Variants in RNF10 observed in about 807,000 individuals in gnomAD.
RNF10 encodes E3 ubiquitin-protein ligase RNF10.
RNF10 carries 38 observed loss-of-function variants against 91.4 expected under a neutral mutation model. The ratio of observed to expected loss-of-function variants is 0.42; its 90% CI spans 0.32 to 0.54. The LOEUF (loss-of-function observed/expected upper bound fraction) is 0.54, where lower values mean the gene tolerates loss of function less well. Ranked by LOEUF, RNF10 falls within the 20% of genes least tolerant of loss-of-function variation. RNF10 has a pLI of 0.16. For missense variants in RNF10, 945 were observed against 1,012.0 expected (o/e 0.93, Z 0.90); for synonymous variants, 364 against 366.3 (o/e 0.99, Z 0.07).
rs1423215399 is a variant in RNF10 at position 120,576,975 on chromosome 12, T to C, written c.*309T>C. On this transcript the variant is annotated 3_prime_UTR_variant, in exon 17 of 17. Transcript: ENST00000325954. ...AATTTTTCTCAACCCAAAGTAAGAT[T>C]GAGTCCCCTTTGAGATGCATTAGAG... 6 of 364,646 alleles carry C rather than the reference T, an allele frequency of 1.6e-5. No individual in the cohort carries two copies. Among genetic ancestry groups the C allele is most frequent in the Non-Finnish European group, 2.6e-5 (5 of 192,534 alleles). 22.6% of individuals were successfully genotyped at this position (364,646 alleles called of 1,614,324 possible). A position where few individuals can be genotyped will look rare whatever the true frequency, so the allele number is the denominator to read the frequency against.
chr12:120,538,568 T>C (rs4102203), intron 1 of RNF10, among the ~76,000 whole-genome samples: 12,473 of 152,226 alleles, frequency 0.082, 658 homozygotes, highest in Non-Finnish European at 0.11. Context: ...TCTGAGAACA[T>C]GCAGCAGTAA....
chr12:120,571,359 A>G, intron 14 of RNF10, 68 bp downstream of exon 14: 5 of 1,125,454 alleles, frequency 4.4e-6, no homozygotes, highest in Non-Finnish European at 6.8e-6. Flanking sequence ...TTATTATGGG[A>G]ACCTCCTCCA....
In RNF10 at chr12:120,553,092, T is replaced by G. The variant is rs1201886086; in HGVS notation, c.554+394T>G. ...TTTTTTTTTTTTTTTTTTTTTTTTTTTTTTTTTTTGAGATGTAGTCTCGCT... is the reference window on the plus strand; with the variant it reads ...TTTTTTTTTTTTTTTTTTTTTTTTTGTTTTTTTTTGAGATGTAGTCTCGCT... On this transcript the variant is annotated intron_variant, in intron 3 of 16. Transcript: ENST00000325954. Among the ~76,000 whole-genome samples, 73 of 37,750 alleles carry G rather than the reference T, an allele frequency of 1.9e-3. 9 individuals carry two copies. Among genetic ancestry groups the G allele is most frequent in the Non-Finnish European group, 2.9e-3 (62 of 21,248 alleles). The allele number at this position is 37,750 out of a possible 152,430, so 24.8% of individuals were successfully genotyped here.
At chr12:120,538,889 TC>T (rs1871192147) in intron 1 of RNF10, among the ~76,000 whole-genome samples, 2 of 152,192 alleles carry the variant, frequency 1.3e-5, no homozygotes, top group Admixed American at 1.3e-4. Context: ...GAAGAATGCC[TC>T]TGAGCTGTAA....
intron 11 of RNF10, 48 bp from the exon 12 acceptor site, chr12:120,565,380 G>T: frequency 1.3e-6 from 2 of 1,550,086 alleles, no homozygotes; most frequent in South Asian, 2.2e-5. Flanking sequence ...AGGAGGTAAT[G>T]ACCATGTTGT....
chr12:120,545,936 A>T (rs572041894), intron 1 of RNF10, among the ~76,000 whole-genome samples: 1 of 152,360 alleles, frequency 6.6e-6, no homozygotes, highest in South Asian at 2.1e-4. Context: ...TTTGCTGTTA[A>T]TGCCTTTTGA....
intron 7 of RNF10, 36 bp downstream of exon 7, chr12:120,560,922 CT>C: frequency 6.3e-7 from 1 of 1,597,642 alleles, no homozygotes; most frequent in East Asian, 2.2e-5. Context: ...AACCTTTTCA[CT>C]TTCTCGGCGT....
intron 16 of RNF10, among the ~76,000 whole-genome samples, chr12:120,576,359 T>G (rs1276528038): frequency 6.6e-6 from 1 of 152,210 alleles, no homozygotes. Flanking sequence ...ACAACCACGT[T>G]AAATGGGTGT....
At position 120,566,922 on chromosome 12, in the gene RNF10, C is replaced by G; in HGVS notation, c.1983C>G (p.Thr661=). 6.2e-7 allele frequency: 1 copy of G among 1,613,754 alleles called. No individual in the cohort carries two copies. Among genetic ancestry groups the G allele is most frequent in the Non-Finnish European group, 8.5e-7 (1 of 1,179,866 alleles). The change falls in exon 13 of 17, where the codon ACC becomes ACG. Residue 661 remains threonine, a synonymous_variant. Transcript: ENST00000325954. ...SSDSALGPTS[T]EGHGALSISP... is the part of the protein sequence containing the mutation. ...ATTCTGCTTTGGGTCCCACCAGCAC[C>G]GAGGGCCATGGGGCCCTCTCCATTT...
rs749480552 is a variant in RNF10, at chr12:120,563,548, T to A, written c.1456T>A (p.Ser486Thr). The change falls in exon 9 of 17, where the codon TCC becomes ACC. Residue 486 changes from serine to threonine, a missense_variant. Transcript: ENST00000325954. ...NLKEGTICTE[S>T]SQQEPITKSG... ...TAAAGAGGGGACCATTTGCACTGAG[T>A]CCAGCCAGCAGGAACCCATCACCAA... The A allele has an allele frequency of 2.5e-6, 4 of 1,613,870 alleles. No homozygotes were observed. The highest frequency in any genetic ancestry group is 3.4e-6 in the Non-Finnish European group (4 of 1,179,974).
At chr12:120,552,325 G>A (rs567167105) in intron 2 of RNF10, among the ~76,000 whole-genome samples, 174 bp from the exon 3 acceptor site, 1 of 151,846 alleles carries the variant, frequency 6.6e-6, no homozygotes, top group African/African-American at 2.4e-5. Context: ...ACTTGAACCT[G>A]GGAGGCAGAG....
At chr12:120,565,402 C>T (rs972498201) in intron 11 of RNF10, 26 bp from the exon 12 acceptor site, 3 of 1,608,492 alleles carry the variant, frequency 1.9e-6, no homozygotes, top group African/African-American at 2.7e-5. Flanking sequence ...CTGGGTCTAC[C>T]TCTTTACAAC....
Position 120,557,565 on chromosome 12 carries a change from C to T in RNF10, c.850C>T (p.His284Tyr), listed in dbSNP as rs765765405. The T allele has an allele frequency of 2.5e-5, 41 of 1,614,088 alleles. 1 individual carries two copies. The South Asian group carries it at 3.4e-4, about 13-fold the overall frequency. ...TTTCAGTGTTGTTGCCACAGAGTCA[C>T]ATCAGTATGTTGTTGGTGATACCAT... ...DLKSVVATES[H>Y]QYVVGDTITM... The change falls in exon 6 of 17, where the codon CAT becomes TAT. Residue 284 changes from histidine to tyrosine, a missense_variant. Coordinates refer to ENST00000325954, the MANE Select transcript of RNF10 (RefSeq NM_014868.5).
rs1368045276 is a variant in RNF10, at chr12:120,566,887, T to G, written c.1948T>G (p.Cys650Gly). The G allele has an allele frequency of 1.2e-6, 2 of 1,614,016 alleles. No homozygotes were observed. The highest frequency in any genetic ancestry group is 4.5e-5 in the East Asian group (2 of 44,878). Residue 650 changes from cysteine (C) to glycine (G), a missense_variant, in exon 13 of 17, where the codon TGC becomes GGC. By Grantham distance (159) the Cys-to-Gly change is radical. Transcript: ENST00000325954. ...GTTTCCTGCCTTCAATTCTTATACC[T>G]GCTCCTCTGATTCTGCTTTGGGTCC... ...QQFPAFNSYT[C>G]SSDSALGPTS... is the part of the protein sequence containing the mutation.
chr12:120,535,076 T>C, intron 1 of RNF10, 108 bp downstream of exon 1: 2 of 1,221,290 alleles, frequency 1.6e-6, no homozygotes, highest in South Asian at 3.2e-5. Context: ...CTTTCTTTTA[T>C]AGCTCCTACC....
rs1466780043 is a variant in RNF10 at position 120,577,505 on chromosome 12, A to C, written c.*839A>C. 9.1e-6 allele frequency: 2 copies of C among 220,378 alleles called. No individual in the cohort carries two copies. The highest frequency in any genetic ancestry group is 1.9e-5 in the Non-Finnish European group (2 of 108,024). 13.7% of individuals were successfully genotyped at this position (220,378 alleles called of 1,614,324 possible). ...CTTGGTTTGAGCTGAATTTGATGTG[A>C]ATTCTTTTGCTGCTTAATAAAGTGA... On this transcript the variant is annotated 3_prime_UTR_variant, in exon 17 of 17. Coordinates refer to ENST00000325954, the MANE Select transcript of RNF10 (RefSeq NM_014868.5).
At chr12:120,562,271 C>CTTTTTTTTTTTTTT (rs71076634) in intron 7 of RNF10, among the ~76,000 whole-genome samples, 2 of 100,102 alleles carry the variant, frequency 2.0e-5, no homozygotes, top group Non-Finnish European at 3.6e-5. Flanking sequence ...TTCTTTCTTT[C>CTTTTTTTTTTTTTT]TTTTTTTTTT....
At chr12:120,566,554 G>T (rs2137242262) in intron 12 of RNF10, among the ~76,000 whole-genome samples, 2 of 152,176 alleles carry the variant, frequency 1.3e-5, no homozygotes, top group Middle Eastern at 6.8e-3. Context: ...TTGAGCTCAG[G>T]AGTTCAAGAC....
Position 120,554,701 on chromosome 12 carries a change from G to A in RNF10, c.555-17G>A, listed in dbSNP as rs558882743. 8.8e-6 allele frequency: 14 copies of A among 1,597,596 alleles called. No individual in the cohort carries two copies. The highest frequency in any genetic ancestry group is 1.3e-5 in the African/African-American group (1 of 74,624). On this transcript the variant is annotated splice_polypyrimidine_tract_variant and intron_variant, in intron 3 of 16. Coordinates refer to ENST00000325954, the MANE Select transcript of RNF10 (RefSeq NM_014868.5). ...GATCCTGACAGTCTAGCTTTTTCCTGTCTTTCCTATTTCTAGCTGCCAATT... is the reference window on the plus strand; with the variant it reads ...GATCCTGACAGTCTAGCTTTTTCCTATCTTTCCTATTTCTAGCTGCCAATT...
Sources: gnomAD v4.1 joint callset for allele counts (sites outside exome capture counted in the v4.1 genomes callset) on GRCh38, gnomAD v4.1.1 for gene constraint, MANE v1.5 for transcripts, NCBI Gene and HGNC (gene_info 2026-07-23, HGNC 2026-07-21) for gene names.